Variants in GFPT2 observed in about 807,000 individuals in gnomAD.
The protein encoded by GFPT2 is glutamine--fructose-6-phosphate aminotransferase [isomerizing] 2.
GFPT2 carries 62 observed loss-of-function variants against 85.6 expected under a neutral mutation model. That is an observed-to-expected ratio of 0.72 (90% confidence interval 0.59 to 0.90). The LOEUF is 0.90. Ranked by LOEUF, GFPT2 falls within the 40% of genes least tolerant of loss-of-function variation. The pLI is 0.00. For synonymous variants in GFPT2, 368 were observed against 344.5 expected (o/e 1.07, Z -0.75); for missense variants, 788 against 893.4 (o/e 0.88, Z 1.50).
At chr5:180,303,054 C>T (rs1468529880) in intron 17 of GFPT2, among the ~76,000 whole-genome samples, 1 of 147,080 alleles carries the variant, frequency 6.8e-6, no homozygotes, top group Non-Finnish European at 1.5e-5. Context: ...ATGGTGAAAC[C>T]CTGTCTCTAC....
At chr5:180,320,976 A>G (rs1764109129) in intron 9 of GFPT2, among the ~76,000 whole-genome samples, 1 of 152,248 alleles carries the variant, frequency 6.6e-6, no homozygotes, top group Admixed American at 6.5e-5. Context: ...AACTTTGTAT[A>G]AAAGTATACA....
intron 17 of GFPT2, 90 bp from the exon 18 acceptor site, chr5:180,302,674 T>A: frequency 9.9e-7 from 1 of 1,013,250 alleles, no homozygotes; most frequent in Non-Finnish European, 1.5e-6. Flanking sequence ...TACATTACTG[T>A]GATGAGAACA....
intron 10 of GFPT2, among the ~76,000 whole-genome samples, chr5:180,317,426 A>G (rs1764031182): frequency 6.6e-6 from 1 of 152,176 alleles, no homozygotes; most frequent in Admixed American, 6.5e-5. Flanking sequence ...AGAAACAGGC[A>G]ATTTTCCTTC....
chr5:180,312,034 G>GC (rs1561873305), intron 15 of GFPT2, among the ~76,000 whole-genome samples: 11 of 71,460 alleles, frequency 1.5e-4, no homozygotes, highest in East Asian at 6.3e-4. Context: ...AGGCGGGGAG[G>GC]TGGGGAGGCT....
At position 180,302,595 on chromosome 5, in the gene GFPT2, G is replaced by A. The variant is rs1242374199; in HGVS notation, c.1843-11C>T. On this transcript the variant is annotated splice_polypyrimidine_tract_variant and intron_variant, in intron 17 of 18. Coordinates refer to ENST00000253778, the MANE Select transcript of GFPT2 (RefSeq NM_005110.4). ...TATAATGGGGCGACCCTAGAGCAGA[G>A]AAATAGCATCATAAAATAGACCCTC... The A allele has an allele frequency of 2.5e-6, 4 of 1,602,366 alleles. No homozygotes were observed. Among genetic ancestry groups the A allele is most frequent in the Non-Finnish European group, 3.4e-6 (4 of 1,171,380 alleles).
intron 2 of GFPT2, 119 bp from the exon 3 acceptor site, chr5:180,336,696 G>T (rs1003451172): frequency 2.7e-6 from 2 of 741,496 alleles, no homozygotes; most frequent in South Asian, 1.5e-5. Context: ...GCAGGTTGGA[G>T]AGCTGTACAG....
At chr5:180,312,727 G>A (rs1026484535) in intron 14 of GFPT2, among the ~76,000 whole-genome samples, 183 bp from the exon 15 acceptor site, 5 of 151,980 alleles carry the variant, frequency 3.3e-5, no homozygotes, top group African/African-American at 1.2e-4. Flanking sequence ...GGGACTACAG[G>A]TGCCACCACC....
chr5:180,329,827 G>A (rs1454059332), intron 6 of GFPT2, among the ~76,000 whole-genome samples: 2 of 152,128 alleles, frequency 1.3e-5, no homozygotes, highest in Non-Finnish European at 2.9e-5. Flanking sequence ...TCGTCCTCCC[G>A]CACCCTGCAT....
At chr5:180,331,273 G>T (rs1764295108) in intron 5 of GFPT2, 7 of 567,198 alleles carry the variant, frequency 1.2e-5, no homozygotes, top group Non-Finnish European at 1.9e-5. Context: ...GGAATCTGCA[G>T]TGGCCCTTGA....
At position 180,307,316 on chromosome 5, in the gene GFPT2, C is replaced by A; in HGVS notation, c.1547-13G>T. 1.2e-6 allele frequency: 2 copies of A among 1,613,686 alleles called. No homozygotes were observed. Among genetic ancestry groups the A allele is most frequent in the Non-Finnish European group, 1.7e-6 (2 of 1,179,674 alleles). ...TCCTTGATCAGCTCTGGGCCATGCA[C>A]GGAGCAGAGGGAGAAAACCAGTCAG... is the stretch of plus-strand genomic sequence containing the variant. On this transcript the variant is annotated splice_polypyrimidine_tract_variant and intron_variant, in intron 15 of 18. Transcript: ENST00000253778.
Position 180,328,816 on chromosome 5 carries a change from G to A in GFPT2, c.535-478C>T, listed in dbSNP as rs1321425182. On this transcript the variant is annotated intron_variant, in intron 6 of 18. Coordinates refer to ENST00000253778, the MANE Select transcript of GFPT2 (RefSeq NM_005110.4). The surrounding 1 kb of genome is among the most constrained non-coding windows in gnomAD (Gnocchi z 5.4). ...TTCTTGGCGCCTCGTTCTCCTCATC[G>A]GTGAAGGAAGTGAGAACAGCGCCAC... Among the ~76,000 whole-genome samples, 1 of 152,212 alleles carries A rather than the reference G, an allele frequency of 6.6e-6. No homozygotes were observed. The highest frequency in any genetic ancestry group is 6.5e-5 in the Admixed American group (1 of 15,290).
At position 180,330,351 on chromosome 5, in the gene GFPT2, G is replaced by A. The variant is rs1480552928; in HGVS notation, c.534+349C>T. 1.3e-5 allele frequency among the ~76,000 whole-genome samples: 2 copies of A among 152,002 alleles called. No homozygotes were observed. Among genetic ancestry groups the A allele is most frequent in the East Asian group, 1.9e-4 (1 of 5,182 alleles). On this transcript the variant is annotated intron_variant, in intron 6 of 18. Transcript: ENST00000253778. The surrounding 1 kb of genome is among the most constrained non-coding windows in gnomAD (Gnocchi z 4.4). Reference sequence around the variant, plus strand: ...AAGAAAAACCTAGAAACACATCCTCGCTTGGTACCACAACTCTCTCTGCAC... The same window carrying A: ...AAGAAAAACCTAGAAACACATCCTCACTTGGTACCACAACTCTCTCTGCAC...
chr5:180,347,873 C>T (rs1423771565), intron 1 of GFPT2, among the ~76,000 whole-genome samples: 1 of 152,102 alleles, frequency 6.6e-6, no homozygotes, highest in Non-Finnish European at 1.5e-5. Context: ...GACACCACTT[C>T]GCAGCAGCCA....
chr5:180,335,344 G>A (rs775798181), intron 4 of GFPT2, among the ~76,000 whole-genome samples: 3 of 152,202 alleles, frequency 2.0e-5, no homozygotes, highest in African/African-American at 4.8e-5. Context: ...TGGGGCCCAC[G>A]GTGTGTCTGG....
intron 14 of GFPT2, among the ~76,000 whole-genome samples, chr5:180,313,320 G>A (rs940845397): frequency 3.9e-5 from 6 of 152,086 alleles, no homozygotes; most frequent in East Asian, 2.0e-4. Flanking sequence ...GGCCGGGCAC[G>A]GGGGCTCACG....
chr5:180,301,367 G>A lies in GFPT2; in HGVS notation c.*197C>T. The A allele has an allele frequency of 1.6e-6, 1 of 610,512 alleles. No homozygotes were observed. Among genetic ancestry groups the A allele is most frequent in the Admixed American group, 3.0e-5 (1 of 32,838 alleles). The allele number at this position is 610,512 out of a possible 1,614,324, so 37.8% of individuals were successfully genotyped here. On this transcript the variant is annotated 3_prime_UTR_variant, in exon 19 of 19. Transcript: ENST00000253778. ...TAAACAATGATTCCCTTCTCCTCTG[G>A]CGACTTCAGGACACAGAGAAACAGT...
chr5:180,336,912 G>C (rs1186263784), intron 2 of GFPT2, among the ~76,000 whole-genome samples: 3 of 152,254 alleles, frequency 2.0e-5, no homozygotes, highest in African/African-American at 4.8e-5. Context: ...TTATCCCAAG[G>C]GCTCCTCGCA....
chr5:180,313,653 G>A (rs1231623721), intron 14 of GFPT2, among the ~76,000 whole-genome samples, 154 bp downstream of exon 14: 1 of 152,010 alleles, frequency 6.6e-6, no homozygotes, highest in Non-Finnish European at 1.5e-5. Context: ...GAATCCAAGA[G>A]GGGAGGGGAA....
At chr5:180,351,661 C>T (rs529793080) in intron 1 of GFPT2, among the ~76,000 whole-genome samples, 1 of 152,276 alleles carries the variant, frequency 6.6e-6, no homozygotes, top group East Asian at 1.9e-4. Context: ...TAGGAGACAA[C>T]GCGTGTGTGT....
Sources: allele counts gnomAD v4.1 joint callset (sites outside exome capture counted in the v4.1 genomes callset), GRCh38; gene constraint gnomAD v4.1.1; non-coding constraint Gnocchi (gnomAD v3.1); transcripts MANE v1.5; gene names NCBI Gene and HGNC (gene_info 2026-07-23, HGNC 2026-07-21).